Variants in OR1J2 observed in about 807,000 individuals in gnomAD.
The protein encoded by OR1J2 is olfactory receptor family 1 subfamily J member 2, also known as olfactory receptor 1J2.
For synonymous variants in OR1J2, 142 were observed against 99.7 expected (o/e 1.42, Z -2.52); for missense variants, 304 against 246.1 (o/e 1.24, Z -1.57).
downstream of OR1J2, chr9:122,511,802 C>T (rs1564183953): frequency 5.3e-6 from 4 of 760,624 alleles, no homozygotes; most frequent in Non-Finnish European, 9.8e-6. Flanking sequence ...ATTTGATTTT[C>T]CATTTGAATA....
At chr9:122,557,373 C>T in the OR1J2 span, among the ~76,000 whole-genome samples, 1 of 151,880 alleles carries the variant, frequency 6.6e-6, no homozygotes, top group East Asian at 1.9e-4. Flanking sequence ...AATAGATATC[C>T]TTTATCTCTC....
the OR1J2 span, among the ~76,000 whole-genome samples, chr9:122,538,573 T>G: frequency 3.9e-5 from 6 of 152,332 alleles, no homozygotes; most frequent in African/African-American, 1.4e-4. Context: ...ATGTCATCAG[T>G]GAACAGAGAT....
At chr9:122,490,944 T>C in the OR1J2 span, among the ~76,000 whole-genome samples, 1 of 152,136 alleles carries the variant, frequency 6.6e-6, no homozygotes, top group Non-Finnish European at 1.5e-5. Context: ...AGAGCAGGCA[T>C]GGGGTAGTGG....
At chr9:122,529,715 T>C in the OR1J2 span, among the ~76,000 whole-genome samples, 1 of 152,100 alleles carries the variant, frequency 6.6e-6, no homozygotes, top group African/African-American at 2.4e-5. Context: ...TTCCAGAAAC[T>C]TGGGGCAATC....
chr9:122,545,544 G>A, the OR1J2 span, among the ~76,000 whole-genome samples: 66,026 of 151,260 alleles, frequency 0.44, 15,416 homozygotes, highest in East Asian at 0.87. Context: ...AGGATGAGTC[G>A]ATCATATTAT....
the OR1J2 span, among the ~76,000 whole-genome samples, chr9:122,556,938 C>T: frequency 6.6e-6 from 1 of 151,654 alleles, no homozygotes; most frequent in African/African-American, 2.4e-5. Context: ...ATCAGTTCTG[C>T]AGTTTTTCTC....
At chr9:122,539,567 A>G in the OR1J2 span, among the ~76,000 whole-genome samples, 8 of 152,306 alleles carry the variant, frequency 5.3e-5, no homozygotes, top group Admixed American at 3.3e-4. Flanking sequence ...TAGTGCCGCA[A>G]TAAACATACG....
downstream of OR1J2, among the ~76,000 whole-genome samples, chr9:122,516,739 T>C (rs1828704837): frequency 1.3e-5 from 2 of 152,172 alleles, no homozygotes; most frequent in African/African-American, 4.8e-5. Context: ...CTAATTGATA[T>C]AGCATGAGAG....
chr9:122,510,362 T>C (rs1476854231), upstream of OR1J2, among the ~76,000 whole-genome samples: 1 of 152,180 alleles, frequency 6.6e-6, no homozygotes, highest in African/African-American at 2.4e-5. Flanking sequence ...GATTTATGTT[T>C]TGTTATCGAA....
chr9:122,465,661 T>A, the OR1J2 span, among the ~76,000 whole-genome samples: 1 of 152,204 alleles, frequency 6.6e-6, no homozygotes, highest in Non-Finnish European at 1.5e-5. Flanking sequence ...AGCTTCTAAG[T>A]ACATTCAGGA....
chr9:122,490,972 A>G, the OR1J2 span, among the ~76,000 whole-genome samples: 1 of 152,190 alleles, frequency 6.6e-6, no homozygotes, highest in African/African-American at 2.4e-5. Context: ...GACCAGAAGC[A>G]AAGAGACTCA....
downstream of OR1J2, among the ~76,000 whole-genome samples, chr9:122,515,364 G>GTGTGTGTGTGTGTA (rs1828685854): frequency 6.6e-6 from 1 of 151,176 alleles, no homozygotes; most frequent in Non-Finnish European, 1.5e-5. Flanking sequence ...GTGTGTGTGT[G>GTGTGTGTGTGTGTA]TGTGTGTGTG....
At chr9:122,565,222 A>G in the OR1J2 span, among the ~76,000 whole-genome samples, 1 of 152,220 alleles carries the variant, frequency 6.6e-6, no homozygotes, top group Non-Finnish European at 1.5e-5. Context: ...ACATGATTGG[A>G]AAATTGATGA....
At chr9:122,526,421 C>G in the OR1J2 span, 1 of 1,517,960 alleles carries the variant, frequency 6.6e-7, no homozygotes, top group East Asian at 2.3e-5. Context: ...TGTCCTTGTT[C>G]CTTAGGCTAT....
chr9:122,563,872 T>C, the OR1J2 span, among the ~76,000 whole-genome samples: 13 of 152,252 alleles, frequency 8.5e-5, no homozygotes, highest in Non-Finnish European at 1.6e-4. Flanking sequence ...GAAACTGTGC[T>C]TTTCCCAATG....
chr9:122,567,394 G>C, the OR1J2 span: 1 of 551,730 alleles, frequency 1.8e-6, no homozygotes, highest in Non-Finnish European at 3.2e-6. Context: ...GAATTGTTGG[G>C]TCATCATCAA....
At chr9:122,559,924 TG>T in the OR1J2 span, among the ~76,000 whole-genome samples, 1 of 152,192 alleles carries the variant, frequency 6.6e-6, no homozygotes, top group Non-Finnish European at 1.5e-5. Flanking sequence ...ATATTGACAG[TG>T]GGGTGTTAAA....
the OR1J2 span, among the ~76,000 whole-genome samples, chr9:122,483,088 A>G: frequency 6.6e-6 from 1 of 152,242 alleles, no homozygotes; most frequent in East Asian, 1.9e-4. Flanking sequence ...ATATGTATCA[A>G]AACATCACAC....
downstream of OR1J2, among the ~76,000 whole-genome samples, chr9:122,513,327 G>A (rs576845530): frequency 6.6e-6 from 1 of 152,310 alleles, no homozygotes; most frequent in Admixed American, 6.5e-5. Context: ...TGCGAGGATA[G>A]AAATACTTGT....
Sources: allele counts gnomAD v4.1 joint callset (sites outside exome capture counted in the v4.1 genomes callset), GRCh38; gene constraint gnomAD v4.1.1; transcripts MANE v1.5; gene names NCBI Gene and HGNC (gene_info 2026-07-23, HGNC 2026-07-21).